Variants in OXR1 observed in about 807,000 individuals in gnomAD.
OXR1 encodes the protein oxidation resistance protein 1.
A neutral mutation model predicts 104.6 loss-of-function variants in OXR1; 41 were observed. The observed-to-expected ratio is 0.39, with a 90% CI of 0.31 to 0.51. OXR1 has a LOEUF of 0.51. Ranked by LOEUF, OXR1 falls within the 20% of genes least tolerant of loss-of-function variation. The pLI, the probability that OXR1 is intolerant of heterozygous loss-of-function variation, is 0.77. For synonymous variants in OXR1, 348 were observed against 348.4 expected, an observed-to-expected ratio of 1.00 and a Z score of 0.01; for missense variants, 955 against 1,031.9, an observed-to-expected ratio of 0.93 and a Z score of 1.02.
chr8:106,563,620 A>T (rs1816855568), intron 3 of OXR1, among the ~76,000 whole-genome samples: 1 of 152,186 alleles, frequency 6.6e-6, no homozygotes, highest in African/African-American at 2.4e-5. Flanking sequence ...ACTTCAACTC[A>T]GCTCTAGACC....
At chr8:106,329,449 G>A (rs953492512) in intron 1 of OXR1, among the ~76,000 whole-genome samples, 3 of 150,596 alleles carry the variant, frequency 2.0e-5, no homozygotes, top group Admixed American at 6.6e-5. Context: ...CCGGGTTCAC[G>A]CCATTCTCCT....
intron 3 of OXR1, among the ~76,000 whole-genome samples, chr8:106,629,070 CCT>C (rs773391448): frequency 2.0e-5 from 3 of 152,050 alleles, no homozygotes; most frequent in Non-Finnish European, 2.9e-5. Context: ...ACAAAATCAC[CCT>C]CTTTTACTTC....
chr8:106,325,193 C>T (rs1161669691), intron 1 of OXR1, among the ~76,000 whole-genome samples: 1 of 152,176 alleles, frequency 6.6e-6, no homozygotes, highest in Non-Finnish European at 1.5e-5. Flanking sequence ...AATTGCTTGT[C>T]CTAATATTGT....
intron 3 of OXR1, among the ~76,000 whole-genome samples, chr8:106,630,051 T>C (rs937170985): frequency 2.6e-5 from 4 of 152,212 alleles, no homozygotes; most frequent in African/African-American, 9.6e-5. Context: ...ACCCCCTTTG[T>C]CTCTTCTTTA....
chr8:106,338,967 C>T (rs1007216512), intron 1 of OXR1, among the ~76,000 whole-genome samples: 5 of 152,174 alleles, frequency 3.3e-5, no homozygotes, highest in Admixed American at 3.3e-4. Context: ...AAGCTGCTCT[C>T]ATCAAAAGAA....
intron 16 of OXR1, among the ~76,000 whole-genome samples, 157 bp from the exon 17 acceptor site, chr8:106,750,649 G>A (rs983106613): frequency 2.6e-5 from 4 of 152,098 alleles, no homozygotes; most frequent in Admixed American, 6.6e-5. Context: ...TTTTTTAATG[G>A]AATAGGAGTA....
intron 1 of OXR1, among the ~76,000 whole-genome samples, chr8:106,302,262 T>A (rs2130092256): frequency 6.6e-6 from 1 of 152,228 alleles, no homozygotes; most frequent in South Asian, 2.1e-4. Flanking sequence ...AGTTTCATAG[T>A]CAATGGTGGA....
At chr8:106,295,362 A>G (rs1431872442) in intron 1 of OXR1, among the ~76,000 whole-genome samples, 2 of 152,186 alleles carry the variant, frequency 1.3e-5, no homozygotes, top group Non-Finnish European at 2.9e-5. Flanking sequence ...AGGACATTAT[A>G]GTATATATTG....
At chr8:106,636,177 T>C (rs1262597860) in intron 3 of OXR1, among the ~76,000 whole-genome samples, 1 of 152,226 alleles carries the variant, frequency 6.6e-6, no homozygotes, top group African/African-American at 2.4e-5. Context: ...CTCATTCTTA[T>C]AAGTGCGAAC....
chr8:106,737,638 A>T, intron 12 of OXR1, 38 bp downstream of exon 12: 1 of 779,604 alleles, frequency 1.3e-6, no homozygotes, highest in Non-Finnish European at 1.9e-6. Flanking sequence ...CCAGAGACTA[A>T]ATACTCCCTG....
At chr8:106,614,132 A>G (rs139061038) in intron 3 of OXR1, among the ~76,000 whole-genome samples, 5 of 152,378 alleles carry the variant, frequency 3.3e-5, no homozygotes, top group African/African-American at 1.2e-4. Context: ...ATCTATAATT[A>G]GGAAAACTAC....
intron 2 of OXR1, among the ~76,000 whole-genome samples, chr8:106,512,888 G>T (rs562343061): frequency 6.6e-6 from 1 of 152,254 alleles, no homozygotes; most frequent in Admixed American, 6.5e-5. Flanking sequence ...TTGCTACAAA[G>T]AAAGCTATTG....
intron 1 of OXR1, among the ~76,000 whole-genome samples, chr8:106,346,099 C>A (rs1442834772): frequency 1.6e-5 from 2 of 125,226 alleles, no homozygotes; most frequent in East Asian, 4.9e-4. Context: ...GTTTATTCCA[C>A]CCCCCCTACC....
chr8:106,274,604 C>CCG (rs1554616314), intron 1 of OXR1, among the ~76,000 whole-genome samples: 2 of 133,084 alleles, frequency 1.5e-5, no homozygotes, highest in African/African-American at 5.4e-5. Context: ...AACGCCACCC[C>CCG]CCCCCCGACC....
At chr8:106,374,357 G>A (rs1816828103) in intron 2 of OXR1, among the ~76,000 whole-genome samples, 2 of 152,052 alleles carry the variant, frequency 1.3e-5, no homozygotes, top group South Asian at 4.1e-4. Flanking sequence ...TTATTGGGTA[G>A]CATTAAAGTT....
intron 2 of OXR1, among the ~76,000 whole-genome samples, chr8:106,477,306 A>G (rs1358752748): frequency 6.6e-6 from 1 of 151,936 alleles, no homozygotes; most frequent in Non-Finnish European, 1.5e-5. Flanking sequence ...GACGATTACC[A>G]TCTCATGGTG....
intron 2 of OXR1, among the ~76,000 whole-genome samples, chr8:106,448,247 G>A (rs1252094671): frequency 1.3e-5 from 2 of 152,230 alleles, no homozygotes; most frequent in African/African-American, 4.8e-5. Context: ...GCAGACTGCC[G>A]AAAACATAGG....
At chr8:106,345,672 A>C (rs1320255628) in intron 1 of OXR1, among the ~76,000 whole-genome samples, 2 of 152,250 alleles carry the variant, frequency 1.3e-5, no homozygotes, top group South Asian at 2.1e-4. Flanking sequence ...ATATTGGTGC[A>C]TAAAATATAC....
intron 2 of OXR1, among the ~76,000 whole-genome samples, chr8:106,394,260 T>C: frequency 6.6e-6 from 1 of 151,526 alleles, no homozygotes. Flanking sequence ...GAGGACTTTT[T>C]AAAGGGTATA....
Sources: allele counts gnomAD v4.1 joint callset (sites outside exome capture counted in the v4.1 genomes callset), GRCh38; gene constraint gnomAD v4.1.1; transcripts MANE v1.5; gene names NCBI Gene and HGNC (gene_info 2026-07-23, HGNC 2026-07-21).